The following TMEM132B variants were observed in gnomAD, a reference collection of about 807,000 sequenced individuals.
TMEM132B encodes transmembrane protein 132B.
Under a neutral mutation model 90.8 loss-of-function variants are expected in TMEM132B, and 18 were observed. The observed-to-expected ratio is 0.20, with a 90% CI of 0.14 to 0.29. The LOEUF is 0.29. TMEM132B is among the 10% of genes least tolerant of loss of function. TMEM132B has a pLI of 1.00. For missense variants in TMEM132B, 1,096 were observed against 1,326.8 expected, an observed-to-expected ratio of 0.83 and a Z score of 2.70; for synonymous variants, 504 against 523.3, an observed-to-expected ratio of 0.96 and a Z score of 0.50.
At chr12:125,549,307 G>C (rs568042855) in intron 4 of TMEM132B, among the ~76,000 whole-genome samples, 40 of 152,350 alleles carry the variant, frequency 2.6e-4, no homozygotes, top group South Asian at 2.5e-3. Flanking sequence ...CCTCGGCTCT[G>C]TTGAACCCAC....
At chr12:125,361,947 G>A (rs1877971275) in intron 2 of TMEM132B, among the ~76,000 whole-genome samples, 1 of 152,190 alleles carries the variant, frequency 6.6e-6, no homozygotes. Flanking sequence ...CTAGATTATG[G>A]TGGTGGCCAA....
chr12:125,385,064 A>G (rs1435190431), intron 2 of TMEM132B, among the ~76,000 whole-genome samples: 6 of 152,254 alleles, frequency 3.9e-5, no homozygotes, highest in African/African-American at 1.2e-4. Flanking sequence ...GTACAATTCC[A>G]CATAAAAGTG....
At chr12:125,223,593 T>C (rs971523477) in intron 1 of TMEM132B, among the ~76,000 whole-genome samples, 36 of 152,194 alleles carry the variant, frequency 2.4e-4, no homozygotes, top group African/African-American at 7.2e-4. Flanking sequence ...TTTGCAACCA[T>C]CACCACTAAT....
At chr12:125,522,630 A>G (rs1219107447) in intron 4 of TMEM132B, among the ~76,000 whole-genome samples, 1 of 152,236 alleles carries the variant, frequency 6.6e-6, no homozygotes, top group Non-Finnish European at 1.5e-5. Context: ...CAAGTGATGC[A>G]CTTGCTACCA....
chr12:125,243,630 AG>A (rs1874139541), intron 1 of TMEM132B, among the ~76,000 whole-genome samples: 1 of 152,072 alleles, frequency 6.6e-6, no homozygotes, highest in African/African-American at 2.4e-5. Context: ...GGTGATGTTG[AG>A]GTTTTGAGTA....
Position 125,249,009 on chromosome 12 carries a change from C to G in TMEM132B, c.67+62143C>G, listed in dbSNP as rs906602554. Among the ~76,000 whole-genome samples the G allele has an allele frequency of 3.3e-5, 5 of 152,154 alleles. No homozygotes were observed. The East Asian group carries it at 9.6e-4, about 29-fold the overall frequency. ...AAGGTCAGGTCTAGGTGCCACTGAG[C>G]CCCTTATGAGCATGTGACCTCCAGG... On this transcript the variant is annotated intron_variant, in intron 1 of 8. Coordinates refer to ENST00000682704, the MANE Select transcript of TMEM132B (RefSeq NM_001366854.1).
intron 1 of TMEM132B, among the ~76,000 whole-genome samples, chr12:125,231,763 T>TA (rs71999825): frequency 5.3e-4 from 79 of 148,640 alleles, no homozygotes; most frequent in Non-Finnish European, 2.2e-4. Flanking sequence ...TTCTTTAAAT[T>TA]AAAAAAAAAA....
intron 3 of TMEM132B, among the ~76,000 whole-genome samples, chr12:125,433,304 G>A (rs1272279725): frequency 1.3e-5 from 2 of 152,194 alleles, no homozygotes; most frequent in African/African-American, 2.4e-5. Context: ...GGAACGTCAC[G>A]GTCATCGGGG....
At chr12:125,461,017 T>G in intron 3 of TMEM132B, among the ~76,000 whole-genome samples, 1 of 152,338 alleles carries the variant, frequency 6.6e-6, no homozygotes, top group African/African-American at 2.4e-5. Flanking sequence ...AGTGGGATAA[T>G]CTGAGTTATG....
chr12:125,533,401 C>T (rs1425343185), intron 4 of TMEM132B, among the ~76,000 whole-genome samples: 1 of 152,240 alleles, frequency 6.6e-6, no homozygotes, highest in Non-Finnish European at 1.5e-5. Flanking sequence ...ATAATTATTA[C>T]AGCCTCTCCC....
At chr12:125,473,026 A>G (rs1409912312) in intron 3 of TMEM132B, among the ~76,000 whole-genome samples, 1 of 152,174 alleles carries the variant, frequency 6.6e-6, no homozygotes, top group African/African-American at 2.4e-5. Context: ...CTGTCTTCAG[A>G]GTGAATGCCA....
At chr12:125,580,603 G>A (rs1885034110) in intron 4 of TMEM132B, among the ~76,000 whole-genome samples, 1 of 152,172 alleles carries the variant, frequency 6.6e-6, no homozygotes, top group African/African-American at 2.4e-5. Flanking sequence ...AAGCAGGTCA[G>A]GTTAAAATGG....
intron 1 of TMEM132B, among the ~76,000 whole-genome samples, chr12:125,278,578 G>A (rs10744199): frequency 0.57 from 85,658 of 151,324 alleles, 26,014 homozygotes; most frequent in African/African-American, 0.81. Context: ...AAACTAGTGA[G>A]GGCTGGCTAG....
At chr12:125,384,576 A>G (rs1878773699) in intron 2 of TMEM132B, among the ~76,000 whole-genome samples, 1 of 152,200 alleles carries the variant, frequency 6.6e-6, no homozygotes, top group Non-Finnish European at 1.5e-5. Context: ...GAAGCATATA[A>G]TGCATTATTA....
chr12:125,443,405 T>C (rs1262913354), intron 3 of TMEM132B, among the ~76,000 whole-genome samples: 1 of 152,194 alleles, frequency 6.6e-6, no homozygotes, highest in Non-Finnish European at 1.5e-5. Flanking sequence ...CCTTTCTCTG[T>C]GAACTCCAGC....
At chr12:125,551,135 A>C (rs1884219638) in intron 4 of TMEM132B, among the ~76,000 whole-genome samples, 1 of 152,196 alleles carries the variant, frequency 6.6e-6, no homozygotes, top group Non-Finnish European at 1.5e-5. Context: ...TAACGTGTGT[A>C]TTCTTGGGCC....
intron 3 of TMEM132B, among the ~76,000 whole-genome samples, chr12:125,475,434 G>T (rs1317599459): frequency 6.6e-6 from 1 of 152,166 alleles, no homozygotes. Context: ...GTGTCTGTGA[G>T]GGTGTTGCCA....
intron 3 of TMEM132B, among the ~76,000 whole-genome samples, chr12:125,427,959 C>T (rs573198251): frequency 2.6e-5 from 4 of 151,354 alleles, no homozygotes; most frequent in South Asian, 2.1e-4. Context: ...AAGAAACAAA[C>T]GAAGGGTAAC....
At chr12:125,254,643 C>T (rs1045705179) in intron 1 of TMEM132B, among the ~76,000 whole-genome samples, 10 of 151,178 alleles carry the variant, frequency 6.6e-5, no homozygotes, top group Non-Finnish European at 1.3e-4. Flanking sequence ...AAGGTCCTCT[C>T]TCCTGGGACT....
Sources: allele counts gnomAD v4.1 joint callset (sites outside exome capture counted in the v4.1 genomes callset), GRCh38; gene constraint gnomAD v4.1.1; transcripts MANE v1.5; gene names NCBI Gene and HGNC (gene_info 2026-07-23, HGNC 2026-07-21).